PSIP1: variants seen among roughly 807,000 people sequenced by gnomAD.
PSIP1 encodes PC4 and SRSF1 interacting protein 1, also known as PC4 and SFRS1-interacting protein.
Under a neutral mutation model 74.7 loss-of-function variants are expected in PSIP1, and 19 were observed. The ratio of observed to expected loss-of-function variants is 0.25; its 90% CI spans 0.18 to 0.37. The LOEUF (loss-of-function observed/expected upper bound fraction) is 0.37, where lower values mean the gene tolerates loss of function less well. Ranked by LOEUF, PSIP1 falls within the 10% of genes least tolerant of loss-of-function variation. The pLI is 1.00. For synonymous variants in PSIP1, 222 were observed against 195.3 expected, an observed-to-expected ratio of 1.14 and a Z score of -1.14; for missense variants, 601 against 614.3, an observed-to-expected ratio of 0.98 and a Z score of 0.23.
intron 3 of PSIP1, chr9:15,505,633 C>G (rs987277223): frequency 4.6e-5 from 7 of 152,068 alleles, no homozygotes; most frequent in African/African-American, 1.7e-4. Flanking sequence ...AAGTGATCAT[C>G]AAAAGGTTAT....
intron 3 of PSIP1, among the ~76,000 whole-genome samples, chr9:15,493,201 A>G (rs1391456878): frequency 6.6e-6 from 1 of 152,096 alleles, no homozygotes; most frequent in Non-Finnish European, 1.5e-5. Flanking sequence ...CAGATACCCT[A>G]AATCATCTCT....
At chr9:15,479,533 A>G in intron 7 of PSIP1, 58 bp downstream of exon 7, 1 of 1,373,814 alleles carries the variant, frequency 7.3e-7, no homozygotes, top group Non-Finnish European at 1.0e-6. Flanking sequence ...GCAACACTTT[A>G]AATGGACTGG....
At chr9:15,479,032 C>T (rs2036222483) in intron 7 of PSIP1, among the ~76,000 whole-genome samples, 1 of 151,964 alleles carries the variant, frequency 6.6e-6, no homozygotes, top group Admixed American at 6.6e-5. Flanking sequence ...GGGTATTACT[C>T]ATCTTACCCC....
At chr9:15,507,810 C>G (rs10962048) in intron 2 of PSIP1, among the ~76,000 whole-genome samples, 12,763 of 152,222 alleles carry the variant, frequency 0.084, 632 homozygotes, top group South Asian at 0.14. Context: ...AGAAGACCAT[C>G]AGGATGACTG....
chr9:15,503,974 T>A (rs2037463218), intron 3 of PSIP1, among the ~76,000 whole-genome samples: 1 of 152,178 alleles, frequency 6.6e-6, no homozygotes, highest in African/African-American at 2.4e-5. Flanking sequence ...CTTGAACTCC[T>A]GACCTCGTCA....
rs373925312 is a variant in PSIP1 at position 15,481,343 on chromosome 9, A to C, written c.457-1656T>G. Among the ~76,000 whole-genome samples the C allele has an allele frequency of 7.2e-5, 11 of 152,384 alleles. No individual in the cohort carries two copies. In the South Asian group the frequency reaches 1.4e-3, roughly 20 times the overall value. On this transcript the variant is annotated intron_variant, in intron 6 of 15. Coordinates refer to ENST00000380733, the MANE Select transcript of PSIP1 (RefSeq NM_033222.5). ...ACTGGTCAATTCTTTGGTGCAAAGA[A>C]GACTCTCTCCACTTACACTTTCTGC...
chr9:15,503,923 T>G (rs2037460809), intron 3 of PSIP1, among the ~76,000 whole-genome samples: 1 of 152,078 alleles, frequency 6.6e-6, no homozygotes, highest in South Asian at 2.1e-4. Context: ...ATTTTTGTAT[T>G]TTCAGTAGAG....
chr9:15,474,354 C>G, intron 8 of PSIP1, 117 bp from the exon 9 acceptor site: 2 of 810,964 alleles, frequency 2.5e-6, no homozygotes, highest in Non-Finnish European at 1.9e-6. Context: ...AAAAGAGTGT[C>G]TTCACTATCC....
chr9:15,496,614 C>T (rs1758990543), intron 3 of PSIP1, among the ~76,000 whole-genome samples: 1 of 152,168 alleles, frequency 6.6e-6, no homozygotes, highest in African/African-American at 2.4e-5. Flanking sequence ...AAAAAATTCA[C>T]CCCTTGCTCC....
In PSIP1 at chr9:15,482,517, A is replaced by G. The variant is rs1201810469; in HGVS notation, c.457-2830T>C. 5.3e-5 allele frequency among the ~76,000 whole-genome samples: 8 copies of G among 152,098 alleles called. No individual in the cohort carries two copies. In the East Asian group the frequency reaches 1.4e-3, roughly 26 times the overall value. On this transcript the variant is annotated intron_variant, in intron 6 of 15. Coordinates refer to ENST00000380733, the MANE Select transcript of PSIP1 (RefSeq NM_033222.5). ...CCCTTAATTTCCTAGTGTCCCAAGA[A>G]ATTTTCAGAGCCTCCTCCATCCCTC...
chr9:15,492,155 T>G (rs1304102706), intron 3 of PSIP1: 2 of 152,190 alleles, frequency 1.3e-5, no homozygotes, highest in Non-Finnish European at 2.9e-5. Context: ...CTTAACTCAT[T>G]CCAGCATTAA....
At chr9:15,487,139 G>C (rs1455442030) in intron 4 of PSIP1, among the ~76,000 whole-genome samples, 1 of 150,894 alleles carries the variant, frequency 6.6e-6, no homozygotes, top group Non-Finnish European at 1.5e-5. Context: ...GGTCGAGGCT[G>C]TAGTGAACCA....
chr9:15,501,254 TTATC>T (rs1453462834), intron 3 of PSIP1, among the ~76,000 whole-genome samples: 1 of 152,048 alleles, frequency 6.6e-6, no homozygotes, highest in South Asian at 2.1e-4. Context: ...ACAAATGACT[TTATC>T]TAGTGCACAA....
At chr9:15,503,204 T>C (rs1021152990) in intron 3 of PSIP1, among the ~76,000 whole-genome samples, 4 of 148,682 alleles carry the variant, frequency 2.7e-5, no homozygotes, top group African/African-American at 7.5e-5. Flanking sequence ...CCATCTCTAC[T>C]AAAAACACAA....
chr9:15,468,374 T>G (rs756406908), intron 14 of PSIP1: 1 of 688,756 alleles, frequency 1.5e-6, no homozygotes, highest in Non-Finnish European at 2.7e-6. Flanking sequence ...TTTTTAAAAA[T>G]TGTTTATCCA....
rs748272405 is a variant in PSIP1, at chr9:15,472,602, C to A, written c.977+30G>T. 46 of 1,562,440 alleles carry A rather than the reference C, an allele frequency of 2.9e-5. 2 individuals carry two copies. The South Asian group carries it at 4.0e-4, about 14-fold the overall frequency. ...ATTCCATGCTAGCCTTTAAAAAGAA[C>A]CCAAAATTTAGAAAAAAAAAAATAC... On this transcript the variant is annotated intron_variant, in intron 10 of 15. Coordinates refer to ENST00000380733, the MANE Select transcript of PSIP1 (RefSeq NM_033222.5).
At chr9:15,498,775 TCTGA>T (rs1013470349) in intron 3 of PSIP1, among the ~76,000 whole-genome samples, 8 of 152,244 alleles carry the variant, frequency 5.3e-5, no homozygotes, top group African/African-American at 1.7e-4. Flanking sequence ...TAACAGTAGG[TCTGA>T]CTGATTCATT....
At chr9:15,466,117 C>T (rs1298870996) in intron 15 of PSIP1, among the ~76,000 whole-genome samples, 3 of 151,478 alleles carry the variant, frequency 2.0e-5, no homozygotes, top group Non-Finnish European at 4.4e-5. Context: ...TGTTGGCTCA[C>T]AGCTGTAATC....
intron 9 of PSIP1, among the ~76,000 whole-genome samples, chr9:15,473,363 G>C (rs1587465311): frequency 6.6e-6 from 1 of 152,098 alleles, no homozygotes; most frequent in East Asian, 1.9e-4. Flanking sequence ...GTCTTCACTG[G>C]CCACAGCCTA....
Sources: allele counts gnomAD v4.1 joint callset (sites outside exome capture counted in the v4.1 genomes callset), GRCh38; gene constraint gnomAD v4.1.1; transcripts MANE v1.5; gene names NCBI Gene and HGNC (gene_info 2026-07-23, HGNC 2026-07-21).